Variants in LRP1B observed in about 807,000 individuals in gnomAD.
The protein encoded by LRP1B is LDL receptor related protein 1B.
Under a neutral mutation model 556.6 loss-of-function variants are expected in LRP1B, and 217 were observed. The observed-to-expected ratio is 0.39, with a 90% confidence interval of 0.35 to 0.44. The LOEUF is 0.44. LRP1B is among the 20% of genes least tolerant of loss of function. The probability of loss-of-function intolerance (pLI) is 1.00; values close to 1 mark genes in which losing one functional copy is unlikely to be tolerated. For missense variants in LRP1B, 5,053 were observed against 5,620.8 expected (o/e 0.90, Z 3.23); for synonymous variants, 2,047 against 1,865.8 (o/e 1.10, Z -2.50).
At chr2:141,333,722 T>G (rs1687744017) in intron 3 of LRP1B, among the ~76,000 whole-genome samples, 1 of 152,234 alleles carries the variant, frequency 6.6e-6, no homozygotes, top group African/African-American at 2.4e-5. Context: ...GACCAACTTA[T>G]AAATCCAGAT....
intron 11 of LRP1B, among the ~76,000 whole-genome samples, chr2:141,045,867 A>T (rs1698853884): frequency 2.0e-5 from 3 of 152,190 alleles, no homozygotes; most frequent in Admixed American, 2.0e-4. Context: ...GAAAAAATAC[A>T]CATAGTAAAT....
In LRP1B at chr2:140,800,362, C is replaced by T. The variant is rs567608370; in HGVS notation, c.5359+13295G>A. Among the ~76,000 whole-genome samples, 6 of 152,138 alleles carry T rather than the reference C, an allele frequency of 3.9e-5. No homozygotes were observed. The South Asian group carries it at 1.0e-3, about 26-fold the overall frequency. ...TGTATATATACGTAACAAGCCTGCA[C>T]ATTGTGCACATGTACCCTAGAACTT... is the stretch of plus-strand genomic sequence containing the variant. On this transcript the variant is annotated intron_variant, in intron 32 of 90. Coordinates refer to ENST00000389484, the MANE Select transcript of LRP1B (RefSeq NM_018557.3).
At chr2:140,272,157 T>C (rs1443512563) in intron 85 of LRP1B, among the ~76,000 whole-genome samples, 2 of 151,834 alleles carry the variant, frequency 1.3e-5, no homozygotes, top group Admixed American at 6.6e-5. Context: ...GAAATACAAA[T>C]AGTTAAAATC....
chr2:141,395,515 A>G (rs1690209676), intron 3 of LRP1B, among the ~76,000 whole-genome samples: 1 of 152,146 alleles, frequency 6.6e-6, no homozygotes, highest in Non-Finnish European at 1.5e-5. Context: ...TGTTCACACA[A>G]TGATGAAATT....
At chr2:140,653,072 C>G (rs962148303) in intron 41 of LRP1B, among the ~76,000 whole-genome samples, 1 of 151,990 alleles carries the variant, frequency 6.6e-6, no homozygotes, top group African/African-American at 2.4e-5. Flanking sequence ...TAATAAGCAT[C>G]ATCAAGACAA....
At chr2:140,267,370 A>T (rs912637819) in intron 86 of LRP1B, among the ~76,000 whole-genome samples, 1 of 151,994 alleles carries the variant, frequency 6.6e-6, no homozygotes, top group African/African-American at 2.4e-5. Context: ...TTCCTAGGAT[A>T]CCAAAATCCT....
intron 2 of LRP1B, among the ~76,000 whole-genome samples, chr2:141,801,148 T>C (rs11679837): frequency 0.18 from 27,828 of 152,048 alleles, 2,973 homozygotes; most frequent in East Asian, 0.39. Flanking sequence ...AATAATCTAA[T>C]ACAGATTATA....
At chr2:140,237,345 C>T (rs1680754390) in intron 89 of LRP1B, among the ~76,000 whole-genome samples, 1 of 150,808 alleles carries the variant, frequency 6.6e-6, no homozygotes, top group Non-Finnish European at 1.5e-5. Context: ...ACAGGATTTC[C>T]TTCTTTTTTA....
chr2:142,096,833 G>T (rs1431149252), intron 1 of LRP1B, among the ~76,000 whole-genome samples: 1 of 151,482 alleles, frequency 6.6e-6, no homozygotes, highest in African/African-American at 2.4e-5. Flanking sequence ...CCCAGGTACT[G>T]AGCATAGTAC....
intron 2 of LRP1B, among the ~76,000 whole-genome samples, chr2:141,690,402 T>TATAA (rs1691476769): frequency 6.5e-5 from 2 of 30,986 alleles, no homozygotes; most frequent in African/African-American, 2.0e-4. Flanking sequence ...TATAAATATA[T>TATAA]ATATATATAT....
intron 1 of LRP1B, among the ~76,000 whole-genome samples, chr2:141,989,105 G>A (rs778807228): frequency 2.6e-5 from 4 of 151,778 alleles, no homozygotes; most frequent in Non-Finnish European, 4.4e-5. Flanking sequence ...GTTTTTGAAC[G>A]CCCTCTTGAA....
At chr2:141,759,266 A>G (rs1461163664) in intron 2 of LRP1B, among the ~76,000 whole-genome samples, 2 of 152,172 alleles carry the variant, frequency 1.3e-5, no homozygotes, top group South Asian at 4.1e-4. Context: ...GAAGCTCTAA[A>G]CTCATTTGCA....
At chr2:141,198,838 A>T (rs527861136) in intron 6 of LRP1B, among the ~76,000 whole-genome samples, 63 of 152,264 alleles carry the variant, frequency 4.1e-4, no homozygotes, top group Middle Eastern at 3.4e-3. Flanking sequence ...AAAAGTATTC[A>T]TCCATTCCAT....
At chr2:140,275,966 T>C (rs962948974) in intron 84 of LRP1B, among the ~76,000 whole-genome samples, 6 of 151,980 alleles carry the variant, frequency 3.9e-5, no homozygotes, top group African/African-American at 1.2e-4. Flanking sequence ...TGTCTGTTTT[T>C]ATATATGAAT....
At chr2:140,935,562 C>T (rs1337787430) in intron 20 of LRP1B, among the ~76,000 whole-genome samples, 2 of 151,852 alleles carry the variant, frequency 1.3e-5, no homozygotes, top group Non-Finnish European at 2.9e-5. Context: ...TGAAGAAGAG[C>T]AATATATAAA....
intron 22 of LRP1B, among the ~76,000 whole-genome samples, 159 bp from the exon 23 acceptor site, chr2:140,903,324 T>C (rs917089059): frequency 3.3e-5 from 5 of 152,180 alleles, no homozygotes; most frequent in African/African-American, 1.2e-4. Context: ...GGGGTTGGTA[T>C]AGAAATGATG....
intron 1 of LRP1B, among the ~76,000 whole-genome samples, chr2:142,066,627 T>C (rs147569421): frequency 1.3e-5 from 2 of 151,522 alleles, no homozygotes; most frequent in Non-Finnish European, 1.5e-5. Context: ...ACCACACTCT[T>C]CATCTCCTCT....
intron 2 of LRP1B, among the ~76,000 whole-genome samples, chr2:141,598,874 C>A (rs879374304): frequency 6.6e-6 from 1 of 151,834 alleles, no homozygotes; most frequent in Non-Finnish European, 1.5e-5. Context: ...AGGTGAAAAG[C>A]GGTGGCAAAT....
chr2:141,719,363 G>T (rs186227122), intron 2 of LRP1B, among the ~76,000 whole-genome samples: 6 of 152,196 alleles, frequency 3.9e-5, no homozygotes, highest in Admixed American at 3.9e-4. Flanking sequence ...TCAAGACCAA[G>T]ACAGAATTGC....
Sources: allele counts gnomAD v4.1 joint callset (sites outside exome capture counted in the v4.1 genomes callset), GRCh38; gene constraint gnomAD v4.1.1; transcripts MANE v1.5; gene names NCBI Gene and HGNC (gene_info 2026-07-23, HGNC 2026-07-21).